The following PDSS2 variants were observed in gnomAD, a reference collection of about 807,000 sequenced individuals.
The protein encoded by PDSS2 is decaprenyl diphosphate synthase subunit 2, also known as all trans-polyprenyl-diphosphate synthase PDSS2.
Under a neutral mutation model 44.5 loss-of-function variants are expected in PDSS2, and 31 were observed. That is an observed-to-expected ratio of 0.70 (90% confidence interval 0.52 to 0.94). PDSS2 has a LOEUF of 0.94. Among genes scored for constraint, PDSS2 ranks in the 40% least tolerant of loss-of-function variants. PDSS2 has a pLI of 0.00. For missense variants in PDSS2, 452 were observed against 482.2 expected (o/e 0.94, Z 0.59); for synonymous variants, 157 against 180.3 (o/e 0.87, Z 1.03).
chr6:107,218,870 C>T (rs1445637162), intron 4 of PDSS2, among the ~76,000 whole-genome samples: 1 of 152,000 alleles, frequency 6.6e-6, no homozygotes, highest in Admixed American at 6.6e-5. Flanking sequence ...CCAGCCTGGC[C>T]AACATGGTGA....
chr6:107,315,716 G>A (rs936174089), intron 2 of PDSS2, among the ~76,000 whole-genome samples: 1 of 152,188 alleles, frequency 6.6e-6, no homozygotes, highest in Non-Finnish European at 1.5e-5. Flanking sequence ...TGCTGTCCCA[G>A]AAGAAAATAC....
chr6:107,214,642 T>C (rs2114649189), intron 4 of PDSS2, among the ~76,000 whole-genome samples: 1 of 152,324 alleles, frequency 6.6e-6, no homozygotes. Flanking sequence ...TCCTTTCTCT[T>C]TTCACAATTG....
intron 2 of PDSS2, among the ~76,000 whole-genome samples, chr6:107,286,246 GC>G: frequency 6.6e-6 from 1 of 151,788 alleles, no homozygotes; most frequent in East Asian, 1.9e-4. Flanking sequence ...AGTGGCTAAC[GC>G]CTGTAATCCC....
intron 6 of PDSS2, among the ~76,000 whole-genome samples, chr6:107,206,529 T>A (rs1348579163): frequency 6.6e-6 from 1 of 152,250 alleles, no homozygotes; most frequent in Non-Finnish European, 1.5e-5. Context: ...GAGAATGTGA[T>A]TAAGTTTACT....
chr6:107,211,734 CAA>C (rs772288348), intron 5 of PDSS2, among the ~76,000 whole-genome samples: 15,217 of 76,568 alleles, frequency 0.2, 671 homozygotes, highest in Middle Eastern at 0.23. Flanking sequence ...GACTCCATCT[CAA>C]AAAAAAAAAA....
At chr6:107,415,537 A>C (rs757128529) in intron 1 of PDSS2, among the ~76,000 whole-genome samples, 21 of 152,124 alleles carry the variant, frequency 1.4e-4, no homozygotes, top group Non-Finnish European at 8.8e-5. Context: ...ATTCAACTAA[A>C]ATCACTGAAA....
intron 3 of PDSS2, among the ~76,000 whole-genome samples, chr6:107,262,708 G>A (rs1582864832): frequency 6.6e-6 from 1 of 152,014 alleles, no homozygotes; most frequent in East Asian, 1.9e-4. Context: ...GGAGGCAGAG[G>A]TTGCAGTGAG....
At chr6:107,264,236 A>C (rs922172945) in intron 3 of PDSS2, 1 of 1,263,588 alleles carries the variant, frequency 7.9e-7, no homozygotes, top group African/African-American at 1.5e-5. Context: ...AGGGAGATTT[A>C]TATGCATAAA....
At chr6:107,192,442 C>A in intron 7 of PDSS2, 1 of 480,912 alleles carries the variant, frequency 2.1e-6, no homozygotes, top group Non-Finnish European at 4.1e-6. Context: ...AAATCCTTAA[C>A]TGGGGAGAAA....
chr6:107,321,726 A>C (rs890453376), intron 2 of PDSS2, among the ~76,000 whole-genome samples: 1 of 152,132 alleles, frequency 6.6e-6, no homozygotes, highest in Admixed American at 6.6e-5. Flanking sequence ...GTTCTGGTTG[A>C]CTTCAATCAT....
At chr6:107,306,556 T>A (rs565254685) in intron 2 of PDSS2, among the ~76,000 whole-genome samples, 2 of 152,274 alleles carry the variant, frequency 1.3e-5, no homozygotes, top group East Asian at 1.9e-4. Context: ...CTCAAAAAAA[T>A]TGTTTAATGA....
chr6:107,318,489 G>T (rs1777274184), intron 2 of PDSS2, among the ~76,000 whole-genome samples: 1 of 151,730 alleles, frequency 6.6e-6, no homozygotes, highest in Non-Finnish European at 1.5e-5. Context: ...CTATAAGTCT[G>T]TTGTAATGGT....
intron 1 of PDSS2, among the ~76,000 whole-genome samples, chr6:107,345,477 GAGATAA>G (rs1778213368): frequency 6.6e-6 from 1 of 151,636 alleles, no homozygotes; most frequent in Non-Finnish European, 1.5e-5. Context: ...CAAGTGGAAA[GAGATAA>G]AGGTAGATGA....
intron 3 of PDSS2, among the ~76,000 whole-genome samples, chr6:107,267,890 A>C (rs958552505): frequency 6.6e-6 from 1 of 152,026 alleles, no homozygotes; most frequent in Non-Finnish European, 1.5e-5. Context: ...ACCATGCCTG[A>C]CCAAGATTCT....
intron 1 of PDSS2, among the ~76,000 whole-genome samples, chr6:107,371,627 A>G (rs778540389): frequency 6.6e-6 from 1 of 152,232 alleles, no homozygotes; most frequent in Admixed American, 6.5e-5. Context: ...CTCTGGTGGA[A>G]TATAAAATTG....
Position 107,429,183 on chromosome 6 carries a change from C to T in PDSS2, c.296+29807G>A, listed in dbSNP as rs1000783089. The stretch of plus-strand genomic sequence containing the variant: ...TTTGAATCGAGTCCTATAAAGGTTA[C>T]GCAGAGTGTACTAGGTGTGAATGCA... On this transcript the variant is annotated intron_variant, in intron 1 of 7. Coordinates refer to ENST00000369037, the MANE Select transcript of PDSS2 (RefSeq NM_020381.4). Among the ~76,000 whole-genome samples, 7 of 152,110 alleles carry T rather than the reference C, an allele frequency of 4.6e-5. No homozygotes were observed. In the East Asian group the frequency reaches 7.7e-4, roughly 17 times the overall value.
At chr6:107,442,522 C>T (rs1192963906) in intron 1 of PDSS2, among the ~76,000 whole-genome samples, 1 of 152,180 alleles carries the variant, frequency 6.6e-6, no homozygotes, top group Non-Finnish European at 1.5e-5. Context: ...AGATGAGAAA[C>T]CCCTATGGCT....
intron 1 of PDSS2, among the ~76,000 whole-genome samples, chr6:107,366,307 A>C (rs1017762380): frequency 2.6e-5 from 4 of 152,178 alleles, no homozygotes. Flanking sequence ...ATCATTTAAA[A>C]AATTTTAAAA....
chr6:107,210,682 C>T (rs971989157), intron 5 of PDSS2, 112 bp from the exon 6 acceptor site: 3 of 744,322 alleles, frequency 4.0e-6, no homozygotes, highest in African/African-American at 3.5e-5. Flanking sequence ...TTAAGGAATG[C>T]AGTTTTTAGA....
Sources: gnomAD v4.1 joint callset for allele counts (sites outside exome capture counted in the v4.1 genomes callset) on GRCh38, gnomAD v4.1.1 for gene constraint, MANE v1.5 for transcripts, NCBI Gene and HGNC (gene_info 2026-07-23, HGNC 2026-07-21) for gene names.